Variants in OLA1 observed in about 807,000 individuals in gnomAD.
OLA1 encodes obg-like ATPase 1.
In OLA1, 14 loss-of-function variants were observed where a neutral mutation model predicts 48.4. The ratio of observed to expected loss-of-function variants is 0.29; its 90% CI spans 0.19 to 0.45. OLA1 has a LOEUF of 0.45. Ranked by LOEUF, OLA1 falls within the 20% of genes least tolerant of loss-of-function variation. The pLI is 1.00. For missense variants in OLA1, 325 were observed against 467.1 expected (o/e 0.70, Z 2.80); for synonymous variants, 127 against 150.4 (o/e 0.84, Z 1.14).
intron 7 of OLA1, among the ~76,000 whole-genome samples, chr2:174,107,961 T>A (rs935396): frequency 0.43 from 64,975 of 151,860 alleles, 14,698 homozygotes; most frequent in East Asian, 0.94. Context: ...CTAAATTTAC[T>A]TTCATAATTT....
intron 5 of OLA1, among the ~76,000 whole-genome samples, chr2:174,133,144 G>T (rs1686221766): frequency 6.6e-6 from 1 of 152,018 alleles, no homozygotes; most frequent in Admixed American, 6.6e-5. Context: ...TTTTGTTGTT[G>T]TTAGGGCTTG....
chr2:174,118,940 A>T (rs1159854221), intron 7 of OLA1, among the ~76,000 whole-genome samples: 1 of 152,182 alleles, frequency 6.6e-6, no homozygotes, highest in East Asian at 1.9e-4. Flanking sequence ...TTTCATAAGA[A>T]ACCAGAAGTG....
At chr2:174,140,224 G>C (rs1686412596) in intron 5 of OLA1, among the ~76,000 whole-genome samples, 1 of 152,030 alleles carries the variant, frequency 6.6e-6, no homozygotes, top group Non-Finnish European at 1.5e-5. Flanking sequence ...ATTTCAAGTA[G>C]CTATCTCTTT....
intron 4 of OLA1, among the ~76,000 whole-genome samples, chr2:174,196,903 G>C (rs1164625125): frequency 6.6e-6 from 1 of 152,140 alleles, no homozygotes; most frequent in Admixed American, 6.5e-5. Flanking sequence ...AGACAAACTA[G>C]AATTAATGCT....
intron 4 of OLA1, among the ~76,000 whole-genome samples, chr2:174,170,169 C>A (rs532298422): frequency 2.6e-5 from 4 of 152,130 alleles, no homozygotes; most frequent in African/African-American, 9.6e-5. Flanking sequence ...GGAGGCGGAA[C>A]TTGCAGTGAG....
intron 5 of OLA1, among the ~76,000 whole-genome samples, chr2:174,131,185 C>T (rs971605902): frequency 1.3e-5 from 2 of 152,078 alleles, no homozygotes; most frequent in African/African-American, 2.4e-5. Context: ...CACAAATTAG[C>T]CTGTTATTGA....
chr2:174,100,081 T>G (rs1430742083), intron 7 of OLA1, among the ~76,000 whole-genome samples: 1 of 152,186 alleles, frequency 6.6e-6, no homozygotes, highest in Admixed American at 6.5e-5. Flanking sequence ...TCTTATTTTT[T>G]AAAAAAGTAA....
chr2:174,228,718 T>C (rs1004507626), intron 3 of OLA1, among the ~76,000 whole-genome samples: 1 of 152,182 alleles, frequency 6.6e-6, no homozygotes, highest in African/African-American at 2.4e-5. Context: ...CAGTCTATGA[T>C]CATTTCATAC....
chr2:174,207,752 C>G (rs1688149590), intron 4 of OLA1, among the ~76,000 whole-genome samples: 1 of 144,782 alleles, frequency 6.9e-6, no homozygotes, highest in African/African-American at 2.6e-5. Context: ...AAGGAAAATA[C>G]AGATTGAAAA....
intron 4 of OLA1, among the ~76,000 whole-genome samples, chr2:174,197,088 A>C (rs1302854360): frequency 6.6e-6 from 1 of 152,190 alleles, no homozygotes; most frequent in Non-Finnish European, 1.5e-5. Context: ...TGTGTGAAAA[A>C]TCAGACCATG....
chr2:174,219,490 C>T lies in OLA1; in HGVS notation c.373+3543G>A, dbSNP rs571673886. The stretch of plus-strand genomic sequence containing the variant: ...TGCCACCCAGGTTGGAGTGCAGTGG[C>T]GCAATGTTGGCTCACTGCAACTTCT... On this transcript the variant is annotated intron_variant, in intron 4 of 10. Coordinates refer to ENST00000284719, the MANE Select transcript of OLA1 (RefSeq NM_013341.5). Among the ~76,000 whole-genome samples, 10 of 129,682 alleles carry T rather than the reference C, an allele frequency of 7.7e-5. No individual in the cohort carries two copies. In the South Asian group the frequency reaches 1.8e-3, roughly 24 times the overall value. 85.1% of individuals were successfully genotyped at this position (129,682 alleles called of 152,430 possible).
At chr2:174,178,050 G>A (rs890177207) in intron 4 of OLA1, among the ~76,000 whole-genome samples, 1 of 151,834 alleles carries the variant, frequency 6.6e-6, no homozygotes, top group African/African-American at 2.4e-5. Flanking sequence ...TTAAAACACT[G>A]AATTAAACCA....
intron 4 of OLA1, among the ~76,000 whole-genome samples, chr2:174,160,237 C>G (rs1199937622): frequency 1.3e-5 from 2 of 152,154 alleles, no homozygotes; most frequent in East Asian, 3.9e-4. Flanking sequence ...CCTCCATAGG[C>G]TTATATTTTG....
At chr2:174,105,151 C>A (rs546220581) in intron 7 of OLA1, among the ~76,000 whole-genome samples, 50 of 150,664 alleles carry the variant, frequency 3.3e-4, no homozygotes, top group Admixed American at 1.1e-3. Flanking sequence ...TTATAACAGA[C>A]AAGGTTTTTA....
intron 4 of OLA1, among the ~76,000 whole-genome samples, chr2:174,192,147 T>C (rs561761116): frequency 5.1e-4 from 77 of 152,318 alleles, no homozygotes; most frequent in African/African-American, 1.7e-3. Flanking sequence ...CTTTCAGTAG[T>C]TGTCCAAAGG....
In OLA1 at chr2:174,123,631, T is replaced by A. The variant is rs763508361; in HGVS notation, c.594A>T (p.Lys198Asn). Reference sequence around the variant, plus strand: ...TCCAATCATGATAGAAGCGAACAGGTTTCTTTTGATCTATAACCCAGGATT... The same window carrying A: ...TCCAATCATGATAGAAGCGAACAGGATTCTTTTGATCTATAACCCAGGATT... ...KVKSWVIDQK[K>N]PVRFYHDWND... The change falls in exon 6 of 11, where the codon AAA becomes AAT. Residue 198 changes from lysine to asparagine, a missense_variant. By Grantham distance (94) the Lys-to-Asn change is moderately conservative. Coordinates refer to ENST00000284719, the MANE Select transcript of OLA1 (RefSeq NM_013341.5). 1 of 1,598,550 alleles carries A rather than the reference T, an allele frequency of 6.3e-7. No homozygotes were observed. Among genetic ancestry groups the A allele is most frequent in the Non-Finnish European group, 8.5e-7 (1 of 1,174,078 alleles).
rs183342902 is a variant in OLA1 at position 174,165,466 on chromosome 2, G to A, written c.374-23466C>T. ...AACAATCTTTTTCAAAGGTTTCTTCGTTTCCAAACACTGATAATATGTACT... is the reference window on the plus strand; with the variant it reads ...AACAATCTTTTTCAAAGGTTTCTTCATTTCCAAACACTGATAATATGTACT... On this transcript the variant is annotated intron_variant, in intron 4 of 10. Coordinates refer to ENST00000284719, the MANE Select transcript of OLA1 (RefSeq NM_013341.5). Among the ~76,000 whole-genome samples, 67 of 152,210 alleles carry A rather than the reference G, an allele frequency of 4.4e-4. 1 individual carries two copies. The highest frequency in any genetic ancestry group is 1.5e-3 in the East Asian group (8 of 5,186).
chr2:174,219,961 G>A (rs1351508100), intron 4 of OLA1, among the ~76,000 whole-genome samples: 3 of 151,912 alleles, frequency 2.0e-5, no homozygotes, highest in South Asian at 2.1e-4. Flanking sequence ...GTGAAATCCC[G>A]TCTCTACTAA....
chr2:174,200,317 C>T (rs1687964180), intron 4 of OLA1, among the ~76,000 whole-genome samples: 1 of 152,108 alleles, frequency 6.6e-6, no homozygotes, highest in Admixed American at 6.5e-5. Flanking sequence ...TTCTGTCTTT[C>T]CATAGGAAGA....
Sources: allele counts gnomAD v4.1 joint callset (sites outside exome capture counted in the v4.1 genomes callset), GRCh38; gene constraint gnomAD v4.1.1; transcripts MANE v1.5; gene names NCBI Gene and HGNC (gene_info 2026-07-23, HGNC 2026-07-21).